Variants in IL7 observed in about 807,000 individuals in gnomAD.
IL7 encodes interleukin 7, also known as interleukin-7.
In IL7, 3 loss-of-function variants were observed where a neutral mutation model predicts 21.6. The ratio of observed to expected loss-of-function variants is 0.14; its 90% CI spans 0.06 to 0.36. The LOEUF (loss-of-function observed/expected upper bound fraction) is 0.36. IL7 is among the 10% of genes least tolerant of loss of function. The pLI is 1.00. For synonymous variants in IL7, 62 were observed against 68.1 expected, an observed-to-expected ratio of 0.91 and a Z score of 0.44; for missense variants, 175 against 200.2, an observed-to-expected ratio of 0.87 and a Z score of 0.76.
At chr8:78,704,880 G>T (rs1046253088) in intron 3 of IL7, among the ~76,000 whole-genome samples, 2 of 151,952 alleles carry the variant, frequency 1.3e-5, no homozygotes, top group Non-Finnish European at 2.9e-5. Flanking sequence ...TTCTTCGCTT[G>T]GTCTCTTCTG....
chr8:78,743,432 G>T (rs1255261131), intron 2 of IL7, among the ~76,000 whole-genome samples: 2 of 151,398 alleles, frequency 1.3e-5, no homozygotes, highest in Non-Finnish European at 2.9e-5. Flanking sequence ...TAGCCATTCT[G>T]ACTGGTGTGA....
intron 2 of IL7, among the ~76,000 whole-genome samples, chr8:78,746,289 A>G (rs1427489777): frequency 6.6e-6 from 1 of 152,206 alleles, no homozygotes; most frequent in African/African-American, 2.4e-5. Context: ...GAGGCAGTCA[A>G]GATGTTGGTC....
At chr8:78,791,621 T>A (rs1279740326) in intron 2 of IL7, among the ~76,000 whole-genome samples, 1 of 152,094 alleles carries the variant, frequency 6.6e-6, no homozygotes, top group Admixed American at 6.6e-5. Flanking sequence ...GCCTGGGTGA[T>A]GGAGTGAGAC....
Position 78,765,019 on chromosome 8 carries a change from C to T in IL7, c.148-24937G>A, listed in dbSNP as rs1251498386. On this transcript the variant is annotated intron_variant, in intron 2 of 5. Transcript: ENST00000263851. The stretch of plus-strand genomic sequence containing the variant: ...TGGACCAGAATATGAGCTGAGAAAT[C>T]GACTCACCTAAGTATAATCCATTGA... Among the ~76,000 whole-genome samples, 4 of 152,088 alleles carry T rather than the reference C, an allele frequency of 2.6e-5. No homozygotes were observed. The East Asian group carries it at 5.8e-4, about 22-fold the overall frequency.
downstream of IL7, among the ~76,000 whole-genome samples, chr8:78,732,022 T>G (rs1811433647): frequency 6.6e-6 from 1 of 152,064 alleles, no homozygotes; most frequent in African/African-American, 2.4e-5. Flanking sequence ...GAGTTTACCT[T>G]TAGAAATGTA....
At chr8:78,747,952 G>A (rs984307775) in intron 2 of IL7, among the ~76,000 whole-genome samples, 4 of 152,152 alleles carry the variant, frequency 2.6e-5, no homozygotes, top group Non-Finnish European at 5.9e-5. Context: ...TCAATCATAA[G>A]TACCTTAGGG....
At chr8:78,724,340 A>C (rs1811304058) in intron 3 of IL7, among the ~76,000 whole-genome samples, 1 of 152,070 alleles carries the variant, frequency 6.6e-6, no homozygotes, top group Admixed American at 6.6e-5. Flanking sequence ...GGGTGAATAT[A>C]TATTTACATT....
At chr8:78,709,775 G>C (rs1198910569) in intron 3 of IL7, among the ~76,000 whole-genome samples, 1 of 151,902 alleles carries the variant, frequency 6.6e-6, no homozygotes, top group African/African-American at 2.4e-5. Context: ...ATTTGTATAG[G>C]GCCCCATTCA....
intron 3 of IL7, among the ~76,000 whole-genome samples, chr8:78,722,480 ATTTTTC>A (rs1299675621): frequency 6.6e-6 from 1 of 151,944 alleles, no homozygotes; most frequent in Non-Finnish European, 1.5e-5. Flanking sequence ...TAAGAAAACT[ATTTTTC>A]TTATACTGAA....
chr8:78,761,010 C>T, intron 2 of IL7: 2 of 1,609,898 alleles, frequency 1.2e-6, no homozygotes, highest in Non-Finnish European at 1.7e-6. Flanking sequence ...TCTGTTACTG[C>T]ACTGCAGAGT....
chr8:78,753,944 C>T (rs1812261827), intron 2 of IL7, among the ~76,000 whole-genome samples: 2 of 152,172 alleles, frequency 1.3e-5, no homozygotes, highest in South Asian at 2.1e-4. Flanking sequence ...TGTTTTGGTT[C>T]CATTACCATG....
At chr8:78,714,223 T>A (rs1182296659), downstream of IL7, among the ~76,000 whole-genome samples, 1 of 152,164 alleles carries the variant, frequency 6.6e-6, no homozygotes, top group Non-Finnish European at 1.5e-5. Context: ...TCACCTTGGG[T>A]AAGTTACTTA....
exon 5 of IL7, chr8:78,676,075 G>T: frequency 5.9e-6 from 2 of 338,378 alleles, no homozygotes; most frequent in Non-Finnish European, 5.3e-6. Flanking sequence ...TTCTGTTAAA[G>T]TTTAAAGGTA....
intron 2 of IL7, among the ~76,000 whole-genome samples, chr8:78,774,220 C>T (rs1485808388): frequency 6.6e-6 from 1 of 152,084 alleles, no homozygotes; most frequent in South Asian, 2.1e-4. Flanking sequence ...ACTAAGACTG[C>T]AGATCCTTAT....
At chr8:78,728,856 A>G (rs1411749387), downstream of IL7, among the ~76,000 whole-genome samples, 1 of 151,968 alleles carries the variant, frequency 6.6e-6, no homozygotes, top group Non-Finnish European at 1.5e-5. Flanking sequence ...GGATAAATAT[A>G]CCATGGTTAT....
chr8:78,762,092 C>T (rs1443915638), intron 2 of IL7: 1 of 1,598,990 alleles, frequency 6.3e-7, no homozygotes, highest in African/African-American at 1.3e-5. Context: ...TTTCAGTGTC[C>T]TGATTTCATC....
chr8:78,742,357 T>C (rs1270152694), intron 2 of IL7, among the ~76,000 whole-genome samples: 1 of 151,850 alleles, frequency 6.6e-6, no homozygotes, highest in Non-Finnish European at 1.5e-5. Context: ...AAACAAATCA[T>C]ATATCACATA....
At chr8:78,735,292 T>TG (rs1811546903) in intron 5 of IL7, among the ~76,000 whole-genome samples, 1 of 98,884 alleles carries the variant, frequency 1.0e-5, no homozygotes, top group Non-Finnish European at 2.0e-5. Context: ...TTTTTTTTTT[T>TG]GTTTTTTTTT....
At chr8:78,686,764 A>G (rs1446725110) in intron 3 of IL7, among the ~76,000 whole-genome samples, 1 of 152,188 alleles carries the variant, frequency 6.6e-6, no homozygotes, top group African/African-American at 2.4e-5. Context: ...TAATCTAGTC[A>G]TGTAGGCTTA....
Sources: gnomAD v4.1 joint callset for allele counts (sites outside exome capture counted in the v4.1 genomes callset) on GRCh38, gnomAD v4.1.1 for gene constraint, MANE v1.5 for transcripts, NCBI Gene and HGNC (gene_info 2026-07-23, HGNC 2026-07-21) for gene names.